NT5C2: variants seen among roughly 807,000 people sequenced by gnomAD.
The protein encoded by NT5C2 is 5'-nucleotidase, cytosolic II, also known as cytosolic purine 5'-nucleotidase.
A neutral mutation model predicts 76.1 loss-of-function variants in NT5C2; 58 were observed. The observed-to-expected ratio is 0.76, with a 90% CI of 0.62 to 0.95. The LOEUF is 0.95. Among genes scored for constraint, NT5C2 ranks in the 40% least tolerant of loss-of-function variants. The pLI, the probability that NT5C2 is intolerant of heterozygous loss-of-function variation, is 0.00. For missense variants in NT5C2, 478 were observed against 690.3 expected, an observed-to-expected ratio of 0.69 and a Z score of 3.45; for synonymous variants, 229 against 237.4, an observed-to-expected ratio of 0.96 and a Z score of 0.32.
intron 3 of NT5C2, among the ~76,000 whole-genome samples, chr10:103,141,181 G>A (rs926851429): frequency 6.6e-6 from 1 of 152,148 alleles, no homozygotes; most frequent in Non-Finnish European, 1.5e-5. Flanking sequence ...TCAAGGTTGG[G>A]AGCAGTGGCT....
chr10:103,094,985 ATCATT>A (rs2067847854), intron 12 of NT5C2, among the ~76,000 whole-genome samples: 2 of 149,976 alleles, frequency 1.3e-5, no homozygotes, highest in South Asian at 2.1e-4. Context: ...TATACATTAA[ATCATT>A]TCATCTACTA....
chr10:103,156,916 G>A (rs192641211), intron 3 of NT5C2, among the ~76,000 whole-genome samples: 9 of 151,786 alleles, frequency 5.9e-5, no homozygotes, highest in African/African-American at 1.7e-4. Flanking sequence ...ACTTAACCAC[G>A]CGTGGTGGCA....
At chr10:103,116,419 C>T (rs1446784293) in intron 4 of NT5C2, among the ~76,000 whole-genome samples, 1 of 152,060 alleles carries the variant, frequency 6.6e-6, no homozygotes, top group Non-Finnish European at 1.5e-5. Context: ...TATTATGTAT[C>T]ACACATACAG....
At chr10:103,129,595 G>A (rs1207791735) in intron 4 of NT5C2, among the ~76,000 whole-genome samples, 1 of 105,402 alleles carries the variant, frequency 9.5e-6, no homozygotes. Context: ...CCCCCCGCCC[G>A]GCCAGCCGCC....
At chr10:103,156,123 T>C (rs1383927677) in intron 3 of NT5C2, among the ~76,000 whole-genome samples, 2 of 152,070 alleles carry the variant, frequency 1.3e-5, no homozygotes, top group Non-Finnish European at 2.9e-5. Context: ...ATCATGCCAT[T>C]ACACTCCAGC....
intron 2 of NT5C2, chr10:103,176,172 G>A (rs1444930417): frequency 6.5e-6 from 1 of 153,708 alleles, no homozygotes; most frequent in Non-Finnish European, 1.4e-5. Context: ...CTGCCTTCCT[G>A]TGCCCAGAAA....
intron 3 of NT5C2, chr10:103,146,044 G>C: frequency 8.1e-6 from 8 of 985,130 alleles, no homozygotes; most frequent in Non-Finnish European, 9.6e-6. Context: ...TCTGTCACTG[G>C]TTGCCGTTTT....
At position 103,094,042 on chromosome 10, in the gene NT5C2, TATG is replaced by T; in HGVS notation, c.922-7_922-5del. On this transcript the variant is annotated splice_polypyrimidine_tract_variant and splice_region_variant and intron_variant, in intron 13 of 18. Coordinates refer to ENST00000404739, the MANE Select transcript of NT5C2 (RefSeq NM_001351169.2). ...CAATTTTCAGCTTGCCAGTTTTCTG[TATG>T]AAGAATATGGATTTTGTAATACTTT... The T allele has an allele frequency of 1.9e-6, 3 of 1,610,546 alleles. No homozygotes were observed. The highest frequency in any genetic ancestry group is 2.5e-6 in the Non-Finnish European group (3 of 1,176,770).
chr10:103,129,347 T>TGG (rs1183103752), intron 4 of NT5C2, among the ~76,000 whole-genome samples: 29 of 68,144 alleles, frequency 4.3e-4, no homozygotes, highest in African/African-American at 1.6e-3. Context: ...GGGAGGGAGG[T>TGG]GGGGGGGTCA....
At chr10:103,177,274 T>G (rs2090164457) in intron 2 of NT5C2, among the ~76,000 whole-genome samples, 2 of 152,184 alleles carry the variant, frequency 1.3e-5, no homozygotes, top group African/African-American at 4.8e-5. Context: ...GATAAGCATC[T>G]AAAATGAGGT....
chr10:103,096,971 G>C (rs1056911377), intron 11 of NT5C2, among the ~76,000 whole-genome samples: 2 of 151,742 alleles, frequency 1.3e-5, no homozygotes, highest in African/African-American at 4.8e-5. Context: ...ACATCAATAA[G>C]GGGTGTGACT....
At chr10:103,106,444 A>G in intron 5 of NT5C2, 145 bp downstream of exon 5, 1 of 643,714 alleles carries the variant, frequency 1.6e-6, no homozygotes, top group East Asian at 2.6e-5. Context: ...TTTAGAATCA[A>G]CATCAACCAA....
chr10:103,152,425 A>C (rs1012414913), intron 3 of NT5C2, among the ~76,000 whole-genome samples: 22 of 152,330 alleles, frequency 1.4e-4, no homozygotes, highest in Admixed American at 3.3e-4. Flanking sequence ...AAAGTGGGCC[A>C]ATTTTATTTT....
At chr10:103,192,598 T>C (rs1215663970) in intron 1 of NT5C2, among the ~76,000 whole-genome samples, 1 of 152,188 alleles carries the variant, frequency 6.6e-6, no homozygotes, top group Non-Finnish European at 1.5e-5. Context: ...TTGTGGCGGC[T>C]TGCAATTCGC....
At chr10:103,129,025 T>C (rs1187437546) in intron 4 of NT5C2, among the ~76,000 whole-genome samples, 1 of 87,624 alleles carries the variant, frequency 1.1e-5, no homozygotes, top group South Asian at 4.4e-4. Context: ...GGGAGGGAGG[T>C]GGGGGGTCAG....
At chr10:103,093,096 T>C (rs755080188) in intron 15 of NT5C2, 43 bp downstream of exon 15, 1 of 1,456,738 alleles carries the variant, frequency 6.9e-7, no homozygotes, top group Admixed American at 2.4e-5. Context: ...TCAAAGCTGG[T>C]CATTTAGATA....
intron 4 of NT5C2, among the ~76,000 whole-genome samples, chr10:103,132,898 G>C (rs2078488008): frequency 6.6e-6 from 1 of 152,088 alleles, no homozygotes; most frequent in African/African-American, 2.4e-5. Context: ...GTTAAAAAAA[G>C]AATGAACTAC....
Position 103,089,616 on chromosome 10 carries a change from CCT to C in NT5C2, c.*54_*55del. ...AACCCTAACAGGGACCTCGTTTGTT[CCT>C]GTGAGTCCTGCCAGGACTTGTTTAA... On this transcript the variant is annotated 3_prime_UTR_variant, in exon 19 of 19. Transcript: ENST00000404739. 5.3e-6 allele frequency: 8 copies of C among 1,507,820 alleles called. No homozygotes were observed. The highest frequency in any genetic ancestry group is 7.1e-6 in the Non-Finnish European group (8 of 1,128,594). The allele number at this position is 1,507,820 out of a possible 1,614,324, so 93.4% of individuals were successfully genotyped here.
intron 3 of NT5C2, chr10:103,146,531 A>C: frequency 1.5e-6 from 1 of 651,300 alleles, no homozygotes; most frequent in Non-Finnish European, 1.9e-6. Context: ...ATGAACTAAA[A>C]AGTATGTGTC....
Sources: gnomAD v4.1 joint callset for allele counts (sites outside exome capture counted in the v4.1 genomes callset) on GRCh38, gnomAD v4.1.1 for gene constraint, MANE v1.5 for transcripts, NCBI Gene and HGNC (gene_info 2026-07-23, HGNC 2026-07-21) for gene names.